TCF4: variants seen among roughly 807,000 people sequenced by gnomAD.
TCF4 encodes SL3-3 enhancer factor 2.
TCF4 carries 3 observed loss-of-function variants against 82.1 expected under a neutral mutation model. That is an observed-to-expected ratio of 0.04 (90% CI 0.02 to 0.09). The LOEUF (loss-of-function observed/expected upper bound fraction) is 0.09, where lower values mean the gene tolerates loss of function less well. TCF4 is among the 10% of genes least tolerant of loss of function. TCF4 has a pLI of 1.00. For synonymous variants in TCF4, 276 were observed against 309.6 expected, an observed-to-expected ratio of 0.89 and a Z score of 1.14; for missense variants, 518 against 852.7, an observed-to-expected ratio of 0.61 and a Z score of 4.89.
At chr18:55,612,965 T>A (rs767155779) in intron 2 of TCF4, among the ~76,000 whole-genome samples, 2 of 151,888 alleles carry the variant, frequency 1.3e-5, no homozygotes, top group Non-Finnish European at 2.9e-5. Flanking sequence ...ATATATATAT[T>A]GTTTAGTACT....
At chr18:55,328,381 TA>T (rs141600042) in intron 8 of TCF4, among the ~76,000 whole-genome samples, 10,491 of 145,086 alleles carry the variant, frequency 0.072, 444 homozygotes, top group East Asian at 0.22. Context: ...GGAATGTTCT[TA>T]AAAAAAAAAA....
chr18:55,617,662 T>C (rs1448668657), intron 2 of TCF4, among the ~76,000 whole-genome samples: 1 of 152,152 alleles, frequency 6.6e-6, no homozygotes, highest in African/African-American at 2.4e-5. Context: ...TGGTTATGTT[T>C]ATTTCTATTT....
At position 55,368,252 on chromosome 18, in the gene TCF4, G is replaced by A. The variant is rs1449402459; in HGVS notation, c.370-17249C>T. ...AATACAAAAATTAGCATGGTGGCAC[G>A]TGCCTGTAATCCCAGCTACTTGGGA... On this transcript the variant is annotated intron_variant, in intron 6 of 19. Transcript: ENST00000354452. 3.3e-5 allele frequency among the ~76,000 whole-genome samples: 5 copies of A among 152,068 alleles called. 1 individual carries two copies. Among genetic ancestry groups the A allele is most frequent in the African/African-American group, 9.7e-5 (4 of 41,406 alleles).
intron 8 of TCF4, among the ~76,000 whole-genome samples, chr18:55,296,232 C>T (rs1455352309): frequency 6.6e-6 from 1 of 151,890 alleles, no homozygotes; most frequent in South Asian, 2.1e-4. Flanking sequence ...AGAACAGATA[C>T]AGGATTTCAT....
At chr18:55,324,289 C>A (rs1353203612) in intron 8 of TCF4, among the ~76,000 whole-genome samples, 1 of 152,206 alleles carries the variant, frequency 6.6e-6, no homozygotes, top group Non-Finnish European at 1.5e-5. Flanking sequence ...CAGTGAGACA[C>A]TGAACGTATT....
intron 3 of TCF4, among the ~76,000 whole-genome samples, chr18:55,555,306 G>C (rs549159872): frequency 1.4e-4 from 21 of 152,262 alleles, no homozygotes; most frequent in African/African-American, 5.1e-4. Context: ...TACCCAGGCA[G>C]GGAAAGCCAT....
At chr18:55,311,392 C>T (rs1295412141) in intron 8 of TCF4, among the ~76,000 whole-genome samples, 2 of 152,206 alleles carry the variant, frequency 1.3e-5, no homozygotes, top group East Asian at 3.8e-4. Flanking sequence ...GCCTCCAGCC[C>T]TAGATGCCAG....
At chr18:55,299,368 C>T (rs944279896) in intron 8 of TCF4, among the ~76,000 whole-genome samples, 2 of 151,486 alleles carry the variant, frequency 1.3e-5, no homozygotes, top group Non-Finnish European at 2.9e-5. Context: ...GTCGAGATCG[C>T]ACCATTGCAC....
In TCF4 at chr18:55,222,519, AC is replaced by A. The variant is rs2046000826; in HGVS notation, c.*5515del. 1 of 152,480 alleles carries A rather than the reference AC, an allele frequency of 6.6e-6. No homozygotes were observed. Among genetic ancestry groups the A allele is most frequent in the African/African-American group, 2.4e-5 (1 of 41,424 alleles). 9.4% of individuals were successfully genotyped at this position (152,480 alleles called of 1,614,324 possible). On this transcript the variant is annotated 3_prime_UTR_variant, in exon 20 of 20. Transcript: ENST00000354452. ...ATCCCAACATTTGGCTATGGAGGGC[AC>A]TTCACATGTGAACCAAATGGCGTTA...
At chr18:55,563,017 A>G (rs1425349403) in intron 3 of TCF4, among the ~76,000 whole-genome samples, 7 of 152,136 alleles carry the variant, frequency 4.6e-5, no homozygotes, top group Non-Finnish European at 8.8e-5. Context: ...AGGCAGGCAG[A>G]TCACTTGAGC....
intron 2 of TCF4, among the ~76,000 whole-genome samples, chr18:55,616,682 G>C (rs1211006557): frequency 6.6e-6 from 1 of 151,720 alleles, no homozygotes; most frequent in Non-Finnish European, 1.5e-5. Context: ...TATCTCATTT[G>C]CATTCTCTTG....
intron 6 of TCF4, among the ~76,000 whole-genome samples, chr18:55,385,059 C>A (rs2092465826): frequency 6.6e-6 from 1 of 152,020 alleles, no homozygotes; most frequent in Non-Finnish European, 1.5e-5. Flanking sequence ...CTTCCTCTGC[C>A]CCCACCCCGT....
intron 3 of TCF4, among the ~76,000 whole-genome samples, chr18:55,511,331 T>TGAAA (rs755856896): frequency 1.5e-5 from 2 of 131,400 alleles, no homozygotes; most frequent in Non-Finnish European, 3.2e-5. Context: ...TCCAAAAGTT[T>TGAAA]AAAAAAAAAA....
chr18:55,251,331 A>T (rs75227384), intron 15 of TCF4, among the ~76,000 whole-genome samples: 1 of 152,144 alleles, frequency 6.6e-6, no homozygotes, highest in South Asian at 2.1e-4. Context: ...GAAAAAAAAA[A>T]ATCCCTTTCA....
chr18:55,448,960 T>C (rs539267871), intron 5 of TCF4, among the ~76,000 whole-genome samples: 1 of 152,310 alleles, frequency 6.6e-6, no homozygotes, highest in Admixed American at 6.5e-5. Flanking sequence ...TTATTCTCAA[T>C]TGGTGTTCAA....
At chr18:55,492,685 T>C (rs1015305410) in intron 3 of TCF4, among the ~76,000 whole-genome samples, 1 of 152,102 alleles carries the variant, frequency 6.6e-6, no homozygotes. Context: ...ATACCAAGGA[T>C]GAGATATTGC....
intron 2 of TCF4, among the ~76,000 whole-genome samples, chr18:55,615,288 ATTTT>A (rs1480253794): frequency 1.3e-5 from 2 of 152,106 alleles, no homozygotes; most frequent in Admixed American, 1.3e-4. Flanking sequence ...ACACTTGCAC[ATTTT>A]TGTTAGATGT....
intron 8 of TCF4, among the ~76,000 whole-genome samples, chr18:55,338,152 C>T (rs1410719679): frequency 6.6e-6 from 1 of 152,172 alleles, no homozygotes; most frequent in Admixed American, 6.5e-5. Flanking sequence ...AAGCGGACTA[C>T]AGCTTGCCCA....
chr18:55,367,930 AAAAC>A (rs2087684199), intron 6 of TCF4, among the ~76,000 whole-genome samples: 1 of 152,250 alleles, frequency 6.6e-6, no homozygotes, highest in African/African-American at 2.4e-5. Flanking sequence ...AATAGATCCT[AAAAC>A]AAACAGGTGA....
Sources: allele counts gnomAD v4.1 joint callset (sites outside exome capture counted in the v4.1 genomes callset), GRCh38; gene constraint gnomAD v4.1.1; transcripts MANE v1.5; gene names NCBI Gene and HGNC (gene_info 2026-07-23, HGNC 2026-07-21).